ARMH3: variants seen among roughly 807,000 people sequenced by gnomAD.
ARMH3 encodes armadillo-like helical domain-containing protein 3.
ARMH3 carries 60 observed loss-of-function variants against 99.1 expected under a neutral mutation model. That is an observed-to-expected ratio of 0.61 (90% CI 0.49 to 0.75). ARMH3 has a LOEUF of 0.75. Among genes scored for constraint, ARMH3 ranks in the 30% least tolerant of loss-of-function variants. The pLI, the probability that ARMH3 is intolerant of heterozygous loss-of-function variation, is 0.00. For missense variants in ARMH3, 679 were observed against 843.1 expected (o/e 0.81, Z 2.41); for synonymous variants, 285 against 292.8 (o/e 0.97, Z 0.27).
intron 15 of ARMH3, among the ~76,000 whole-genome samples, chr10:101,996,155 A>T (rs1364018066): frequency 2.0e-5 from 3 of 152,150 alleles, no homozygotes; most frequent in Non-Finnish European, 4.4e-5. Flanking sequence ...CTTTCCAGAA[A>T]CTCTGTGGGT....
chr10:102,023,613 G>A (rs758787492), intron 7 of ARMH3, 50 bp from the exon 8 acceptor site: 1 of 1,609,474 alleles, frequency 6.2e-7, no homozygotes, highest in African/African-American at 1.3e-5. Context: ...TGGTTCCTGA[G>A]AACACAGAGA....
chr10:101,893,440 T>A (rs922171306), intron 23 of ARMH3, among the ~76,000 whole-genome samples: 6 of 152,012 alleles, frequency 3.9e-5, no homozygotes, highest in Admixed American at 3.3e-4. Flanking sequence ...GTTCTTGTTT[T>A]TTATTATTAT....
At chr10:102,003,447 C>T (rs2066414152) in intron 14 of ARMH3, among the ~76,000 whole-genome samples, 1 of 152,186 alleles carries the variant, frequency 6.6e-6, no homozygotes, top group Non-Finnish European at 1.5e-5. Context: ...AAGGCATGAG[C>T]CACTGTGCCT....
intron 17 of ARMH3, 78 bp from the exon 18 acceptor site, chr10:101,992,116 G>T: frequency 1.7e-6 from 2 of 1,206,536 alleles, no homozygotes; most frequent in Non-Finnish European, 1.2e-6. Context: ...CATGTTCCTT[G>T]TGCAAATAAA....
chr10:101,865,230 A>AC, intron 24 of ARMH3, among the ~76,000 whole-genome samples: 1 of 151,912 alleles, frequency 6.6e-6, no homozygotes, highest in South Asian at 2.1e-4. Flanking sequence ...AAAAAAAACA[A>AC]AAACAAACAA....
chr10:102,026,547 A>G (rs74632883), intron 5 of ARMH3, among the ~76,000 whole-genome samples: 2,341 of 152,300 alleles, frequency 0.015, 25 homozygotes, highest in East Asian at 0.043. Flanking sequence ...GGAATTCCAG[A>G]CAGGTATTAG....
chr10:101,952,589 T>C (rs1426375045), intron 22 of ARMH3: 2 of 152,126 alleles, frequency 1.3e-5, no homozygotes, highest in Non-Finnish European at 2.9e-5. Flanking sequence ...ATTTACCCGC[T>C]TAACCACTTT....
chr10:101,908,329 ATTAAT>A (rs1842720200), intron 23 of ARMH3, among the ~76,000 whole-genome samples: 1 of 152,206 alleles, frequency 6.6e-6, no homozygotes, highest in African/African-American at 2.4e-5. Flanking sequence ...CTTTTTACAT[ATTAAT>A]TTAACAATGT....
chr10:102,022,470 C>A (rs1226768256), intron 8 of ARMH3, among the ~76,000 whole-genome samples: 1 of 118,548 alleles, frequency 8.4e-6, no homozygotes, highest in African/African-American at 3.2e-5. Context: ...CCAGCCTGGG[C>A]GACAGAGCGA....
intron 23 of ARMH3, among the ~76,000 whole-genome samples, chr10:101,938,724 G>A (rs1046145400): frequency 3.3e-5 from 5 of 152,158 alleles, no homozygotes; most frequent in African/African-American, 1.2e-4. Context: ...CGCATTTATC[G>A]TAAGGCCTCA....
chr10:101,997,635 T>C (rs1291369687), intron 15 of ARMH3, among the ~76,000 whole-genome samples: 2 of 151,624 alleles, frequency 1.3e-5, no homozygotes, highest in East Asian at 3.9e-4. Flanking sequence ...AGAGAAGTGA[T>C]TGGGGAGGGA....
intron 24 of ARMH3, among the ~76,000 whole-genome samples, chr10:101,882,661 G>A (rs191953527): frequency 1.1e-3 from 173 of 152,222 alleles, no homozygotes; most frequent in African/African-American, 3.8e-3. Flanking sequence ...CACCATGCCC[G>A]GCTAATTTTT....
intron 19 of ARMH3, among the ~76,000 whole-genome samples, chr10:101,985,884 G>C (rs1333354572): frequency 1.3e-5 from 2 of 151,928 alleles, no homozygotes; most frequent in African/African-American, 4.8e-5. Context: ...CGGGTGTGGT[G>C]GTGGGCACCT....
At chr10:101,896,890 C>A (rs751461331) in intron 23 of ARMH3, among the ~76,000 whole-genome samples, 1 of 152,160 alleles carries the variant, frequency 6.6e-6, no homozygotes, top group African/African-American at 2.4e-5. Flanking sequence ...TCAGGAAGGA[C>A]TGACCCTACC....
chr10:102,045,178 G>A (rs151052925), intron 1 of ARMH3, among the ~76,000 whole-genome samples: 64 of 151,818 alleles, frequency 4.2e-4, no homozygotes, highest in African/African-American at 1.4e-3. Flanking sequence ...TAGTTTAGGG[G>A]GAAAAATATG....
At chr10:101,878,682 C>T (rs941704970) in intron 24 of ARMH3, among the ~76,000 whole-genome samples, 1 of 151,430 alleles carries the variant, frequency 6.6e-6, no homozygotes, top group African/African-American at 2.4e-5. Context: ...AAAAAGTTGG[C>T]TGGGTATGGT....
At chr10:102,048,425 TTTTTG>T (rs1370575964) in intron 1 of ARMH3, among the ~76,000 whole-genome samples, 1 of 152,042 alleles carries the variant, frequency 6.6e-6, no homozygotes. Context: ...AGGCAACACG[TTTTTG>T]TTTTGTTTCA....
chr10:101,923,000 A>G (rs960760518), intron 23 of ARMH3, among the ~76,000 whole-genome samples: 1 of 152,196 alleles, frequency 6.6e-6, no homozygotes, highest in African/African-American at 2.4e-5. Flanking sequence ...TTGACATCCC[A>G]CTCACATGTT....
At chr10:101,998,205 AG>A (rs1264357577) in intron 15 of ARMH3, among the ~76,000 whole-genome samples, 1 of 152,212 alleles carries the variant, frequency 6.6e-6, no homozygotes, top group Non-Finnish European at 1.5e-5. Flanking sequence ...CAAAGCTAAA[AG>A]TTCATTTTCT....
Sources: gnomAD v4.1 joint callset for allele counts (sites outside exome capture counted in the v4.1 genomes callset) on GRCh38, gnomAD v4.1.1 for gene constraint, MANE v1.5 for transcripts, NCBI Gene and HGNC (gene_info 2026-07-23, HGNC 2026-07-21) for gene names.